The following TRPM3 variants were observed in gnomAD, a reference collection of about 807,000 sequenced individuals.
TRPM3 encodes long transient receptor potential channel 3.
Under a neutral mutation model 181.2 loss-of-function variants are expected in TRPM3, and 77 were observed. The ratio of observed to expected loss-of-function variants is 0.42; its 90% CI spans 0.35 to 0.51. The LOEUF (loss-of-function observed/expected upper bound fraction) is 0.51, where lower values mean the gene tolerates loss of function less well. TRPM3 is among the 20% of genes least tolerant of loss of function. The pLI, the probability that TRPM3 is intolerant of heterozygous loss-of-function variation, is 0.01. For missense variants in TRPM3, 1,759 were observed against 2,196.7 expected (o/e 0.80, Z 3.98); for synonymous variants, 745 against 796.4 (o/e 0.94, Z 1.09).
intron 1 of TRPM3, among the ~76,000 whole-genome samples, chr9:71,399,468 C>G (rs2093281714): frequency 6.6e-6 from 1 of 150,834 alleles, no homozygotes; most frequent in Non-Finnish European, 1.5e-5. Flanking sequence ...ATAAAGTAAG[C>G]TATCTTTGGA....
chr9:70,810,409 C>T lies in TRPM3; in HGVS notation c.973+17438G>A, dbSNP rs147177108. Among the ~76,000 whole-genome samples the T allele has an allele frequency of 3.6e-3, 541 of 149,970 alleles. 4 individuals are homozygous for T. Among genetic ancestry groups the T allele is most frequent in the African/African-American group, 0.012 (503 of 40,800 alleles). ...CCTCCAACCCCACCCTCCTCTCCAT[C>T]GCCCTGTTCTATGGGTACATGATCA... On this transcript the variant is annotated intron_variant, in intron 6 of 25. Coordinates refer to ENST00000677713, the MANE Select transcript of TRPM3 (RefSeq NM_001366145.2).
chr9:71,371,873 T>C (rs1490556685), intron 1 of TRPM3, among the ~76,000 whole-genome samples: 1 of 152,226 alleles, frequency 6.6e-6, no homozygotes, highest in Non-Finnish European at 1.5e-5. Flanking sequence ...GGGGTACATG[T>C]GCAGGATGTC....
chr9:71,097,091 G>T (rs894639637), intron 1 of TRPM3, among the ~76,000 whole-genome samples: 1 of 151,960 alleles, frequency 6.6e-6, no homozygotes, highest in Admixed American at 6.6e-5. Context: ...AGCTTTCATG[G>T]TTTGCTGTCA....
intron 19 of TRPM3, among the ~76,000 whole-genome samples, chr9:70,607,673 AG>A (rs1379346412): frequency 6.6e-6 from 1 of 152,200 alleles, no homozygotes; most frequent in Non-Finnish European, 1.5e-5. Flanking sequence ...TCCTTCCTGA[AG>A]ACTGGATTCC....
rs550109580 is a variant in TRPM3, at chr9:71,444,164, C to G, written c.183+2489G>C. 2.4e-3 allele frequency among the ~76,000 whole-genome samples: 214 copies of G among 88,702 alleles called. 1 individual carries two copies. The highest frequency in any genetic ancestry group is 8.8e-3 in the African/African-American group (207 of 23,508). 58.2% of individuals were successfully genotyped at this position (88,702 alleles called of 152,430 possible). A position where few individuals can be genotyped will look rare whatever the true frequency, so the allele number is the denominator to read the frequency against. On this transcript the variant is annotated intron_variant, in intron 1 of 24. Coordinates refer to the TRPM3 transcript ENST00000357533. ...ACTGCACTCCAGCCTGGCGACAGAG[C>G]AAGAATACATCTCAAAAAAAAAAAA...
At chr9:71,413,757 A>G (rs543929347) in intron 1 of TRPM3, among the ~76,000 whole-genome samples, 13 of 152,120 alleles carry the variant, frequency 8.5e-5, no homozygotes, top group African/African-American at 2.6e-4. Context: ...AAGACTTAGC[A>G]TTCAAGGTGC....
chr9:71,018,701 A>C (rs912449772), intron 1 of TRPM3, among the ~76,000 whole-genome samples: 9 of 151,868 alleles, frequency 5.9e-5, no homozygotes, highest in Admixed American at 1.3e-4. Flanking sequence ...GCCTAGATAG[A>C]ATTTCTTCCA....
At chr9:71,342,851 CTG>C (rs1178816698) in intron 1 of TRPM3, among the ~76,000 whole-genome samples, 2 of 152,040 alleles carry the variant, frequency 1.3e-5, no homozygotes, top group African/African-American at 4.8e-5. Flanking sequence ...AAAGTAAGAA[CTG>C]TGGTCCATCT....
intron 1 of TRPM3, among the ~76,000 whole-genome samples, chr9:70,925,539 T>A (rs2993020): frequency 0.046 from 6,914 of 150,262 alleles, 210 homozygotes; most frequent in African/African-American, 0.088. Context: ...TGGAAAAAAA[T>A]ATATATATAT....
chr9:71,009,624 G>T, intron 1 of TRPM3, among the ~76,000 whole-genome samples: 1 of 152,064 alleles, frequency 6.6e-6, no homozygotes, highest in East Asian at 1.9e-4. Flanking sequence ...TTCATGGACT[G>T]GATGAATTAA....
intron 8 of TRPM3, among the ~76,000 whole-genome samples, chr9:70,686,760 T>C: frequency 7.4e-6 from 1 of 134,440 alleles, no homozygotes; most frequent in Non-Finnish European, 1.6e-5. Context: ...CTTCTCTCCC[T>C]CCCTCCCTCC....
intron 1 of TRPM3, among the ~76,000 whole-genome samples, chr9:71,098,602 G>C (rs979434531): frequency 6.6e-6 from 1 of 152,086 alleles, no homozygotes; most frequent in Non-Finnish European, 1.5e-5. Flanking sequence ...AGCCTCGCTA[G>C]ACCTAAGGAT....
At chr9:71,080,444 A>C (rs1427147433) in intron 1 of TRPM3, among the ~76,000 whole-genome samples, 6 of 152,176 alleles carry the variant, frequency 3.9e-5, no homozygotes, top group Non-Finnish European at 7.3e-5. Flanking sequence ...CAAACTAAGA[A>C]GGGAAGCCTT....
chr9:70,859,773 G>A (rs959817028), intron 3 of TRPM3, among the ~76,000 whole-genome samples: 2 of 152,162 alleles, frequency 1.3e-5, no homozygotes, highest in African/African-American at 4.8e-5. Context: ...TTTGTCCCCC[G>A]TAATAGCACA....
chr9:71,013,341 T>C, intron 1 of TRPM3, among the ~76,000 whole-genome samples: 2 of 152,224 alleles, frequency 1.3e-5, no homozygotes, highest in South Asian at 4.1e-4. Flanking sequence ...TTAGATTTTA[T>C]TTATTATTTT....
chr9:71,440,518 AG>A (rs1353674406), intron 1 of TRPM3, among the ~76,000 whole-genome samples: 1 of 152,242 alleles, frequency 6.6e-6, no homozygotes, highest in Non-Finnish European at 1.5e-5. Context: ...TTTGAGAAGC[AG>A]GCATAAATGT....
intron 1 of TRPM3, among the ~76,000 whole-genome samples, chr9:71,177,502 G>C (rs2077167285): frequency 6.6e-6 from 1 of 152,044 alleles, no homozygotes; most frequent in African/African-American, 2.4e-5. Context: ...TTTGCACAAT[G>C]ACAAAATTGC....
intron 1 of TRPM3, among the ~76,000 whole-genome samples, chr9:71,375,997 T>A (rs2092656968): frequency 6.6e-6 from 1 of 152,064 alleles, no homozygotes; most frequent in Non-Finnish European, 1.5e-5. Context: ...CTACAATATC[T>A]CCAAGGTATA....
At chr9:70,791,693 G>C (rs1407338464) in intron 6 of TRPM3, among the ~76,000 whole-genome samples, 1 of 152,128 alleles carries the variant, frequency 6.6e-6, no homozygotes, top group Non-Finnish European at 1.5e-5. Flanking sequence ...TGAAAATATA[G>C]AGTTTGGATT....
Sources: allele counts gnomAD v4.1 joint callset (sites outside exome capture counted in the v4.1 genomes callset), GRCh38; gene constraint gnomAD v4.1.1; transcripts MANE v1.5; gene names NCBI Gene and HGNC (gene_info 2026-07-23, HGNC 2026-07-21).